Variants in AHCTF1 observed in about 807,000 individuals in gnomAD.
AHCTF1 encodes protein ELYS.
Under a neutral mutation model 248.4 loss-of-function variants are expected in AHCTF1, and 24 were observed. That is an observed-to-expected ratio of 0.10 (90% CI 0.07 to 0.14). The LOEUF (loss-of-function observed/expected upper bound fraction) is 0.14. Among genes scored for constraint, AHCTF1 ranks in the 10% least tolerant of loss-of-function variants. AHCTF1 has a pLI of 1.00. For missense variants in AHCTF1, 2,206 were observed against 2,636.2 expected, an observed-to-expected ratio of 0.84 and a Z score of 3.57; for synonymous variants, 786 against 929.8, an observed-to-expected ratio of 0.85 and a Z score of 2.81.
At chr1:246,887,637 A>G (rs1177130501) in intron 19 of AHCTF1, among the ~76,000 whole-genome samples, 1 of 152,230 alleles carries the variant, frequency 6.6e-6, no homozygotes, top group South Asian at 2.1e-4. Context: ...CAGTAAATAC[A>G]AGAAACAAAG....
intron 2 of AHCTF1, among the ~76,000 whole-genome samples, chr1:246,916,711 G>C (rs1025539237): frequency 2.0e-5 from 3 of 152,116 alleles, no homozygotes; most frequent in Non-Finnish European, 4.4e-5. Flanking sequence ...GTGCTTGAAT[G>C]TTATCTCATT....
intron 31 of AHCTF1, among the ~76,000 whole-genome samples, chr1:246,854,298 CA>C (rs56086758): frequency 0.012 from 1,312 of 113,464 alleles, 7 homozygotes; most frequent in Non-Finnish European, 0.018. Context: ...GACTCTGTTT[CA>C]AAAAAAAAAA....
chr1:246,881,955 C>CA (rs1336878017), intron 21 of AHCTF1, among the ~76,000 whole-genome samples: 1 of 151,090 alleles, frequency 6.6e-6, no homozygotes, highest in East Asian at 1.9e-4. Flanking sequence ...GCTGGGATTA[C>CA]AGGCATGAGC....
In AHCTF1 at chr1:246,850,245, G is replaced by C; in HGVS notation, c.5761C>G (p.Gln1921Glu). 1 of 1,613,776 alleles carries C rather than the reference G, an allele frequency of 6.2e-7. No individual in the cohort carries two copies. The highest frequency in any genetic ancestry group is 8.5e-7 in the Non-Finnish European group (1 of 1,179,840). Residue 1921 changes from glutamine (Q) to glutamate (E), a missense_variant, in exon 33 of 36, where the codon CAA (glutamine) becomes GAA (glutamate). Gln to Glu is a conservative substitution (Grantham distance 29). Transcript: ENST00000648844. ...LDASENTGNK[Q>E]DDKSSDKQLR... ...TGCTTGTCACTGGATTTATCATCTT[G>C]CTTATTTCCTGTATTTTCAGAAGCA...
chr1:246,913,197 G>T (rs761568392), intron 4 of AHCTF1, 35 bp downstream of exon 4: 1 of 1,494,168 alleles, frequency 6.7e-7, no homozygotes, highest in Non-Finnish European at 9.0e-7. Flanking sequence ...ATATCCAGGT[G>T]CTCCATTTTT....
At chr1:246,922,073 T>C (rs1666582824) in intron 1 of AHCTF1, among the ~76,000 whole-genome samples, 1 of 152,178 alleles carries the variant, frequency 6.6e-6, no homozygotes, top group Non-Finnish European at 1.5e-5. Flanking sequence ...TGAAAACATA[T>C]ACAGGGCTGG....
At position 246,916,299 on chromosome 1, in the gene AHCTF1, A is replaced by C; in HGVS notation, c.218T>G (p.Val73Gly). 1 of 1,608,448 alleles carries C rather than the reference A, an allele frequency of 6.2e-7. No homozygotes were observed. The highest frequency in any genetic ancestry group is 8.5e-7 in the Non-Finnish European group (1 of 1,175,480). The change falls in exon 3 of 36, where the codon GTC (valine) becomes GGC (glycine). Residue 73 changes from valine to glycine, a missense_variant. Val to Gly is a moderately radical substitution (Grantham distance 109). Around this residue, in one of 6 missense-constraint regions of AHCTF1, gnomAD observed 69 missense variants for 85.4 expected, o/e 0.81. Coordinates refer to ENST00000648844, the MANE Select transcript of AHCTF1 (RefSeq NM_001323342.2). The part of the protein sequence containing the change: ...ERLSAYRFSG[V>G]NEQPPVVLAV... ...TAAAACTACAGGAGGCTGTTCATTG[A>C]CTCCACTGAATCTGTAAGCAGACAA...
At chr1:246,875,223 C>G (rs1256899841) in intron 24 of AHCTF1, among the ~76,000 whole-genome samples, 1 of 152,022 alleles carries the variant, frequency 6.6e-6, no homozygotes, top group African/African-American at 2.4e-5. Context: ...CCATAAAACC[C>G]TCCTGTCACC....
Position 246,888,237 on chromosome 1 carries a change from T to TA in AHCTF1, c.2269-5dup. On this transcript the variant is annotated splice_region_variant and splice_polypyrimidine_tract_variant and intron_variant, in intron 18 of 35. Transcript: ENST00000648844. Reference sequence around the variant, plus strand: ...ATAGGTACATATCAAGTACTGCCTATAAAACAAAGGGATAAAACCTTCAGT... The same window carrying TA: ...ATAGGTACATATCAAGTACTGCCTATAAAAACAAAGGGATAAAACCTTCAGT... 1 of 1,614,094 alleles carries TA rather than the reference T, an allele frequency of 6.2e-7. No homozygotes were observed. Among genetic ancestry groups the TA allele is most frequent in the East Asian group, 2.2e-5 (1 of 44,876 alleles).
intron 3 of AHCTF1, among the ~76,000 whole-genome samples, chr1:246,914,719 A>C (rs1442367923): frequency 2.0e-5 from 3 of 152,186 alleles, no homozygotes; most frequent in Non-Finnish European, 2.9e-5. Context: ...TGAACTTTTG[A>C]AAGTGTCTAT....
At chr1:246,842,158 C>T (rs1157398487) in intron 35 of AHCTF1, among the ~76,000 whole-genome samples, 1 of 152,140 alleles carries the variant, frequency 6.6e-6, no homozygotes, top group African/African-American at 2.4e-5. Flanking sequence ...CCACCTTCAG[C>T]AGTGAAATCT....
At chr1:246,841,425 T>A (rs1659854576) in intron 35 of AHCTF1, among the ~76,000 whole-genome samples, 1 of 151,904 alleles carries the variant, frequency 6.6e-6, no homozygotes, top group South Asian at 2.1e-4. Flanking sequence ...CAAACTTGAG[T>A]TTCTCACATA....
In AHCTF1 at chr1:246,885,719, C is replaced by A. The variant is rs1425164738; in HGVS notation, c.2473-39G>T. Reference sequence around the variant, plus strand: ...GAAAAATGTTAAATATAAATATAATCCTATACATTTAGACAAAGTAGGTAA... The same window carrying A: ...GAAAAATGTTAAATATAAATATAATACTATACATTTAGACAAAGTAGGTAA... On this transcript the variant is annotated intron_variant, in intron 20 of 35. Transcript: ENST00000648844. The A allele has an allele frequency of 3.3e-6, 5 of 1,535,498 alleles. No individual in the cohort carries two copies. The African/African-American group carries it at 5.6e-5, about 17-fold the overall frequency.
At chr1:246,860,257 G>A (rs559728735) in intron 29 of AHCTF1, among the ~76,000 whole-genome samples, 151 of 152,198 alleles carry the variant, frequency 9.9e-4, no homozygotes, top group South Asian at 6.6e-3. Flanking sequence ...AACAGAGTGA[G>A]ACTCTGTCTC....
intron 1 of AHCTF1, among the ~76,000 whole-genome samples, chr1:246,926,147 C>T (rs1666907343): frequency 1.3e-5 from 2 of 151,962 alleles, no homozygotes; most frequent in South Asian, 4.1e-4. Context: ...TTGGAAGCTT[C>T]CTGACACCCT....
At chr1:246,894,620 T>C (rs1345461319) in intron 14 of AHCTF1, 39 bp downstream of exon 14, 12 of 1,467,472 alleles carry the variant, frequency 8.2e-6, no homozygotes, top group Admixed American at 1.8e-5. Context: ...AGTATTTTAA[T>C]ATTAAATTCT....
chr1:246,841,061 T>C, intron 35 of AHCTF1, 63 bp from the exon 36 acceptor site: 1 of 1,437,874 alleles, frequency 7.0e-7, no homozygotes, highest in Non-Finnish European at 9.3e-7. Context: ...AAAATTGGCT[T>C]CCCAACATGT....
chr1:246,855,966 G>A, intron 30 of AHCTF1, 139 bp from the exon 31 acceptor site: 2 of 505,068 alleles, frequency 4.0e-6, no homozygotes, highest in South Asian at 3.7e-5. Context: ...AGCTCATTCT[G>A]AACAATAATA....
intron 2 of AHCTF1, 75 bp from the exon 3 acceptor site, chr1:246,916,470 T>G (rs1666154893): frequency 2.2e-5 from 28 of 1,297,074 alleles, no homozygotes; most frequent in Non-Finnish European, 2.7e-5. Context: ...CTCATTTACA[T>G]ACAACTATAT....
Sources: allele counts gnomAD v4.1 joint callset (sites outside exome capture counted in the v4.1 genomes callset), GRCh38; gene constraint gnomAD v4.1.1; regional missense constraint gnomAD v4.1.1; transcripts MANE v1.5; gene names NCBI Gene and HGNC (gene_info 2026-07-23, HGNC 2026-07-21).